The following PRKCI variants were observed in gnomAD, a reference collection of about 807,000 sequenced individuals.
The protein encoded by PRKCI is protein kinase C iota.
In PRKCI, 43 loss-of-function variants were observed where a neutral mutation model predicts 84.0. The observed-to-expected ratio is 0.51, with a 90% CI of 0.40 to 0.66. PRKCI has a LOEUF of 0.66. PRKCI is among the 30% of genes least tolerant of loss of function. The probability of loss-of-function intolerance (pLI) is 0.00; values close to 1 mark genes in which losing one functional copy is unlikely to be tolerated. For synonymous variants in PRKCI, 216 were observed against 234.4 expected, an observed-to-expected ratio of 0.92 and a Z score of 0.72; for missense variants, 459 against 745.6, an observed-to-expected ratio of 0.62 and a Z score of 4.48.
intron 10 of PRKCI, 93 bp downstream of exon 10, chr3:170,281,356 A>G (rs1734239738): frequency 5.1e-6 from 5 of 979,264 alleles, no homozygotes; most frequent in South Asian, 4.1e-5. Flanking sequence ...CATGAAGTTG[A>G]TATCATGGAG....
chr3:170,244,576 G>A (rs1411862341), intron 2 of PRKCI, among the ~76,000 whole-genome samples: 1 of 152,124 alleles, frequency 6.6e-6, no homozygotes, highest in Non-Finnish European at 1.5e-5. Context: ...TGTTTAACAT[G>A]AGGAGGGGGT....
Position 170,253,997 on chromosome 3 carries a change from C to T in PRKCI, c.224-5972C>T, listed in dbSNP as rs573469438. ...CTGCAATCCCAGCTACTTGGGAGGC[C>T]GAGGCAGTAGAACTACTTGAACCCA... On this transcript the variant is annotated intron_variant, in intron 2 of 17. Transcript: ENST00000295797. Among the ~76,000 whole-genome samples, 184 of 148,456 alleles carry T rather than the reference C, an allele frequency of 1.2e-3. 1 individual carries two copies. The highest frequency in any genetic ancestry group is 4.1e-3 in the African/African-American group (163 of 40,166).
chr3:170,242,011 A>G (rs1410220662), intron 2 of PRKCI, among the ~76,000 whole-genome samples: 1 of 152,204 alleles, frequency 6.6e-6, no homozygotes, highest in East Asian at 1.9e-4. Flanking sequence ...TGGGAGGCTA[A>G]GGTAGGAGAA....
chr3:170,272,602 A>G (rs1577362418), intron 6 of PRKCI, among the ~76,000 whole-genome samples: 1 of 152,216 alleles, frequency 6.6e-6, no homozygotes, highest in East Asian at 1.9e-4. Flanking sequence ...TGAAGTTTTA[A>G]AAATCCTTAA....
chr3:170,281,291 A>T, intron 10 of PRKCI, 28 bp downstream of exon 10: 1 of 1,580,414 alleles, frequency 6.3e-7, no homozygotes, highest in Non-Finnish European at 8.7e-7. Flanking sequence ...TAGAATGATT[A>T]CTGGGCTTCA....
chr3:170,246,971 G>A (rs986283122), intron 2 of PRKCI, among the ~76,000 whole-genome samples: 23 of 151,470 alleles, frequency 1.5e-4, no homozygotes, highest in African/African-American at 4.4e-4. Context: ...TTTTTTTCTC[G>A]TTCAGTACCC....
At chr3:170,263,920 T>A (rs1733795136) in intron 4 of PRKCI, among the ~76,000 whole-genome samples, 1 of 152,246 alleles carries the variant, frequency 6.6e-6, no homozygotes, top group Non-Finnish European at 1.5e-5. Context: ...ATTCAGATAG[T>A]TCTTAGTTAC....
At chr3:170,243,913 G>C (rs1264072137) in intron 2 of PRKCI, among the ~76,000 whole-genome samples, 1 of 152,188 alleles carries the variant, frequency 6.6e-6, no homozygotes, top group Non-Finnish European at 1.5e-5. Flanking sequence ...AGGCCTGGGA[G>C]AAAAAGGAAT....
At position 170,282,041 on chromosome 3, in the gene PRKCI, A is replaced by G. The variant is rs112822103; in HGVS notation, c.1067+73A>G. 4.6e-4 allele frequency: 677 copies of G among 1,461,588 alleles called. 5 individuals carry two copies. The African/African-American group carries it at 4.9e-3, about 11-fold the overall frequency. The allele number at this position is 1,461,588 out of a possible 1,614,324, so 90.5% of individuals were successfully genotyped here. A position where few individuals can be genotyped will look rare whatever the true frequency, so the allele number is the denominator to read the frequency against. ...GGCTTTTTATGTGCAGTGGTTGGAA[A>G]CAGTAGATAAATAATTTATTTTGAT... On this transcript the variant is annotated intron_variant, in intron 11 of 17. Transcript: ENST00000295797.
chr3:170,225,815 G>A (rs549193790), intron 1 of PRKCI, among the ~76,000 whole-genome samples: 2 of 151,884 alleles, frequency 1.3e-5, no homozygotes, highest in South Asian at 4.2e-4. Context: ...GATGTGTATA[G>A]TGTTATTATT....
chr3:170,245,048 G>C (rs1288953788), intron 2 of PRKCI, among the ~76,000 whole-genome samples: 1 of 151,930 alleles, frequency 6.6e-6, no homozygotes, highest in Non-Finnish European at 1.5e-5. Flanking sequence ...TACTGGGAGG[G>C]GAATGCAAAA....
At chr3:170,293,777 C>T (rs569740280) in intron 14 of PRKCI, among the ~76,000 whole-genome samples, 2 of 152,130 alleles carry the variant, frequency 1.3e-5, no homozygotes, top group Admixed American at 6.5e-5. Context: ...CTCAGCCTCC[C>T]GAGTAACTGG....
In PRKCI at chr3:170,223,464, TGAG is replaced by T. The variant is rs1388586639; in HGVS notation, c.101+698_101+700del. On this transcript the variant is annotated intron_variant, in intron 1 of 17. Coordinates refer to ENST00000295797, the MANE Select transcript of PRKCI (RefSeq NM_002740.6). ...CCCGATAGGGTGAGATACTGCAAGG[TGAG>T]GAGACTAGCCTAGTTACAGTTTTAA... Among the ~76,000 whole-genome samples the T allele has an allele frequency of 3.9e-5, 6 of 152,300 alleles. No individual in the cohort carries two copies. The East Asian group carries it at 1.2e-3, about 29-fold the overall frequency.
intron 11 of PRKCI, among the ~76,000 whole-genome samples, chr3:170,282,577 A>G (rs1324068964): frequency 6.6e-6 from 1 of 151,076 alleles, no homozygotes; most frequent in East Asian, 2.0e-4. Flanking sequence ...GGTGCCTGTA[A>G]TCCCAGCTAC....
intron 2 of PRKCI, among the ~76,000 whole-genome samples, chr3:170,242,551 T>TTTATAATGTTAAAACATTATAATG (rs1379862209): frequency 1.3e-5 from 2 of 152,192 alleles, no homozygotes; most frequent in Admixed American, 1.3e-4. Flanking sequence ...ATAGTTTTCC[T>TTTATAATGTTAAAACATTATAATG]TTATAATGTT....
In PRKCI at chr3:170,270,531, A is replaced by T; in HGVS notation, c.561A>T (p.Thr187=). 2 of 1,612,992 alleles carry T rather than the reference A, an allele frequency of 1.2e-6. No homozygotes were observed. Among genetic ancestry groups the T allele is most frequent in the Non-Finnish European group, 1.7e-6 (2 of 1,179,656 alleles). The change falls in exon 6 of 18, where the codon ACA becomes ACT. Residue 187 remains threonine, a synonymous_variant. Coordinates refer to ENST00000295797, the MANE Select transcript of PRKCI (RefSeq NM_002740.6). ...ATAAGAAGTGCCATAAACTCGTCACAATTGAATGTGGGCGGCATTCTTTGC... is the reference window on the plus strand; with the variant it reads ...ATAAGAAGTGCCATAAACTCGTCACTATTGAATGTGGGCGGCATTCTTTGC... ...LVHKKCHKLV[T]IECGRHSLPQ...
intron 12 of PRKCI, among the ~76,000 whole-genome samples, chr3:170,289,334 A>C (rs1427601325): frequency 6.6e-6 from 1 of 152,220 alleles, no homozygotes; most frequent in Non-Finnish European, 1.5e-5. Flanking sequence ...ATATTACTAA[A>C]TATTTCTTCT....
intron 4 of PRKCI, 69 bp from the exon 5 acceptor site, chr3:170,267,846 C>A: frequency 1.7e-6 from 2 of 1,182,144 alleles, no homozygotes; most frequent in South Asian, 1.6e-5. Flanking sequence ...AAATTACAGA[C>A]TTAATTATAA....
chr3:170,257,362 G>A (rs142924293), intron 2 of PRKCI, among the ~76,000 whole-genome samples: 3 of 152,292 alleles, frequency 2.0e-5, no homozygotes, highest in East Asian at 3.9e-4. Context: ...CATGACCTTT[G>A]CAACCGCAGT....
Sources: gnomAD v4.1 joint callset for allele counts (sites outside exome capture counted in the v4.1 genomes callset) on GRCh38, gnomAD v4.1.1 for gene constraint, MANE v1.5 for transcripts, NCBI Gene and HGNC (gene_info 2026-07-23, HGNC 2026-07-21) for gene names.